TBC1D8: variants seen among roughly 807,000 people sequenced by gnomAD.
TBC1D8 encodes the protein BUB2-like protein 1.
TBC1D8 carries 65 observed loss-of-function variants against 118.8 expected under a neutral mutation model. The ratio of observed to expected loss-of-function variants is 0.55; its 90% CI spans 0.45 to 0.67. The LOEUF is 0.67. Among genes scored for constraint, TBC1D8 ranks in the 30% least tolerant of loss-of-function variants. The pLI is 0.00. For synonymous variants in TBC1D8, 566 were observed against 595.8 expected, an observed-to-expected ratio of 0.95 and a Z score of 0.73; for missense variants, 1,376 against 1,471.2, an observed-to-expected ratio of 0.94 and a Z score of 1.06.
intron 1 of TBC1D8, among the ~76,000 whole-genome samples, chr2:101,110,608 T>C (rs1452200778): frequency 1.3e-5 from 2 of 152,154 alleles, no homozygotes; most frequent in African/African-American, 4.8e-5. Flanking sequence ...CTGCACTAGA[T>C]AGCTGTCTTC....
chr2:101,149,359 G>A (rs1044668799), intron 1 of TBC1D8, among the ~76,000 whole-genome samples: 1 of 152,110 alleles, frequency 6.6e-6, no homozygotes, highest in Non-Finnish European at 1.5e-5. Flanking sequence ...CGGGCTTGAA[G>A]CCAGGCATCC....
intron 2 of TBC1D8, among the ~76,000 whole-genome samples, chr2:101,087,125 G>C (rs577499806): frequency 6.6e-6 from 1 of 152,036 alleles, no homozygotes; most frequent in Non-Finnish European, 1.5e-5. Flanking sequence ...ATTTGTATTG[G>C]GCTGCATTCA....
chr2:101,084,652 C>T (rs1558687030), intron 2 of TBC1D8, among the ~76,000 whole-genome samples: 1 of 152,152 alleles, frequency 6.6e-6, no homozygotes, highest in Non-Finnish European at 1.5e-5. Context: ...CCCACCTGCA[C>T]CTGTTATTCA....
At chr2:101,056,209 T>G (rs1682419414) in intron 3 of TBC1D8, among the ~76,000 whole-genome samples, 2 of 114,290 alleles carry the variant, frequency 1.7e-5, no homozygotes, top group East Asian at 5.5e-4. Flanking sequence ...TTATTATTAT[T>G]TTTTTTTTTT....
intron 1 of TBC1D8, among the ~76,000 whole-genome samples, chr2:101,149,555 T>C (rs555863224): frequency 1.9e-4 from 29 of 152,364 alleles, no homozygotes; most frequent in African/African-American, 5.0e-4. Flanking sequence ...ACTGTCCTTA[T>C]GTTTCTCACT....
At chr2:101,107,642 G>A (rs377624706) in intron 1 of TBC1D8, among the ~76,000 whole-genome samples, 7 of 152,142 alleles carry the variant, frequency 4.6e-5, no homozygotes, top group East Asian at 3.8e-4. Context: ...CACATAGAGC[G>A]CAGATTTGGT....
intron 2 of TBC1D8, among the ~76,000 whole-genome samples, chr2:101,088,710 A>G (rs1450562735): frequency 6.6e-6 from 1 of 152,088 alleles, no homozygotes; most frequent in Non-Finnish European, 1.5e-5. Flanking sequence ...AATTGAGACT[A>G]CAGGTACACA....
At chr2:101,144,974 A>C (rs2033957) in intron 1 of TBC1D8, among the ~76,000 whole-genome samples, 10,437 of 152,218 alleles carry the variant, frequency 0.069, 1,222 homozygotes, top group African/African-American at 0.24. Flanking sequence ...TTCCTCCTTT[A>C]TCCAGTGCCA....
intron 17 of TBC1D8, chr2:101,018,959 T>A: frequency 1.2e-6 from 2 of 1,605,256 alleles, no homozygotes; most frequent in Non-Finnish European, 8.5e-7. Context: ...GTGTGTTACC[T>A]GACATGGTAC....
Position 101,037,666 on chromosome 2 carries a change from T to G in TBC1D8, c.1318A>C (p.Arg440=), listed in dbSNP as rs746834499. 1 of 1,613,872 alleles carries G rather than the reference T, an allele frequency of 6.2e-7. No individual in the cohort carries two copies. Among genetic ancestry groups the G allele is most frequent in the South Asian group, 1.1e-5 (1 of 91,090 alleles). Residue 440 remains arginine (R), a synonymous_variant, in exon 8 of 20, where the codon AGA becomes CGA. Coordinates refer to ENST00000409318, the MANE Select transcript of TBC1D8 (RefSeq NM_001330348.2). ...GACATCATTTCAAGATCCCCAAATC[T>G]GTGGTCACTGCACATGCTTGTTGAA... The part of the protein sequence containing the change: ...FHSTSMCSDH[R]FGDLEMMSSQ...
chr2:101,082,488 T>G (rs543444488), intron 2 of TBC1D8, among the ~76,000 whole-genome samples: 2 of 152,274 alleles, frequency 1.3e-5, no homozygotes, highest in East Asian at 3.9e-4. Context: ...AGGATTTTGC[T>G]CTCCTGGTTC....
chr2:101,070,647 A>C (rs1053678640), intron 2 of TBC1D8, among the ~76,000 whole-genome samples: 4 of 152,144 alleles, frequency 2.6e-5, no homozygotes, highest in Admixed American at 2.6e-4. Flanking sequence ...TCCTGACCTC[A>C]GGTGATCTGC....
chr2:101,141,209 T>A (rs1679085833), intron 1 of TBC1D8, among the ~76,000 whole-genome samples: 1 of 152,104 alleles, frequency 6.6e-6, no homozygotes, highest in South Asian at 2.1e-4. Flanking sequence ...ATATTTACAT[T>A]ATTATAACTA....
intron 1 of TBC1D8, among the ~76,000 whole-genome samples, chr2:101,149,360 C>T (rs905836498): frequency 1.3e-5 from 2 of 152,136 alleles, no homozygotes; most frequent in Non-Finnish European, 2.9e-5. Context: ...GGGCTTGAAG[C>T]CAGGCATCCT....
At chr2:101,014,743 T>C (rs1401316294) in intron 17 of TBC1D8, among the ~76,000 whole-genome samples, 1 of 152,158 alleles carries the variant, frequency 6.6e-6, no homozygotes, top group Non-Finnish European at 1.5e-5. Flanking sequence ...AGCAAGAGCG[T>C]ACAGAGTTAT....
At chr2:101,035,794 G>A (rs182914636) in intron 9 of TBC1D8, among the ~76,000 whole-genome samples, 61 of 152,222 alleles carry the variant, frequency 4.0e-4, no homozygotes, top group African/African-American at 1.1e-3. Flanking sequence ...CCCAGACCTC[G>A]CATTTACCCA....
chr2:101,054,124 G>T lies in TBC1D8; in HGVS notation c.615C>A (p.Phe205Leu). 1 of 1,612,182 alleles carries T rather than the reference G, an allele frequency of 6.2e-7. No homozygotes were observed. Among genetic ancestry groups the T allele is most frequent in the Non-Finnish European group, 8.5e-7 (1 of 1,179,146 alleles). The change falls in exon 4 of 20, where the codon TTC becomes TTA. Residue 205 changes from phenylalanine (F) to leucine (L), a missense_variant. Physicochemically the swap from Phe to Leu is conservative, Grantham distance 22. Transcript: ENST00000409318. ...CTCACTTACGTTCCTTGCCCAGGAA[G>T]AAGGAGTAGAAGCAGAGGTGGTTGA... Reference protein sequence around the residue: ...LSINHLCFYSFFLGKELKLVV... With the variant: ...LSINHLCFYSLFLGKELKLVV...
chr2:101,076,215 C>G (rs1289341260), intron 2 of TBC1D8, among the ~76,000 whole-genome samples: 1 of 152,144 alleles, frequency 6.6e-6, no homozygotes, highest in Non-Finnish European at 1.5e-5. Flanking sequence ...TTACAGATAA[C>G]TCAAGCAGAC....
At chr2:101,035,512 G>T (rs951927852) in intron 9 of TBC1D8, among the ~76,000 whole-genome samples, 7 of 152,186 alleles carry the variant, frequency 4.6e-5, no homozygotes, top group African/African-American at 1.7e-4. Context: ...AATGGGTCCA[G>T]CAGAAAAGAG....
Sources: allele counts gnomAD v4.1 joint callset (sites outside exome capture counted in the v4.1 genomes callset), GRCh38; gene constraint gnomAD v4.1.1; transcripts MANE v1.5; gene names NCBI Gene and HGNC (gene_info 2026-07-23, HGNC 2026-07-21).